Variants in ADAMTS19 observed in about 807,000 individuals in gnomAD.
ADAMTS19 encodes the protein A disintegrin and metalloproteinase with thrombospondin motifs 19.
Under a neutral mutation model 153.3 loss-of-function variants are expected in ADAMTS19, and 93 were observed. That is an observed-to-expected ratio of 0.61 (90% confidence interval 0.51 to 0.72). ADAMTS19 has a LOEUF of 0.72. Among genes scored for constraint, ADAMTS19 ranks in the 30% least tolerant of loss-of-function variants. ADAMTS19 has a pLI of 0.00. For synonymous variants in ADAMTS19, 600 were observed against 556.6 expected (o/e 1.08, Z -1.10); for missense variants, 1,482 against 1,552.1 (o/e 0.95, Z 0.76).
chr5:129,548,514 A>G (rs559903752), intron 6 of ADAMTS19, among the ~76,000 whole-genome samples: 1 of 152,032 alleles, frequency 6.6e-6, no homozygotes, highest in African/African-American at 2.4e-5. Flanking sequence ...ATCATTAAAA[A>G]GTCAGGAAAC....
At chr5:129,574,858 T>C (rs1754044914) in intron 7 of ADAMTS19, among the ~76,000 whole-genome samples, 2 of 103,508 alleles carry the variant, frequency 1.9e-5, no homozygotes, top group South Asian at 6.7e-4. Context: ...AAAGCATTCT[T>C]GAAAAAAAAA....
chr5:129,646,964 C>A (rs1753090120), intron 11 of ADAMTS19, among the ~76,000 whole-genome samples: 1 of 152,068 alleles, frequency 6.6e-6, no homozygotes, highest in South Asian at 2.1e-4. Context: ...TTCTAGCAAC[C>A]ATTCCTGGGT....
chr5:129,482,716 A>T (rs1176710471), intron 2 of ADAMTS19, among the ~76,000 whole-genome samples: 1 of 152,152 alleles, frequency 6.6e-6, no homozygotes, highest in Non-Finnish European at 1.5e-5. Flanking sequence ...TGCTATCAAT[A>T]ATGTCCCATG....
At chr5:129,628,639 G>A (rs750297048) in intron 10 of ADAMTS19, among the ~76,000 whole-genome samples, 34 of 152,016 alleles carry the variant, frequency 2.2e-4, no homozygotes, top group Non-Finnish European at 4.1e-4. Flanking sequence ...AGTTATAACT[G>A]TAGAAGACTG....
intron 6 of ADAMTS19, among the ~76,000 whole-genome samples, chr5:129,539,223 A>T (rs1256566659): frequency 6.6e-6 from 1 of 152,132 alleles, no homozygotes; most frequent in Non-Finnish European, 1.5e-5. Context: ...AGATGGGCAG[A>T]TTATCCTGGC....
chr5:129,547,791 A>T (rs745714216), intron 6 of ADAMTS19, among the ~76,000 whole-genome samples: 2 of 150,762 alleles, frequency 1.3e-5, no homozygotes, highest in South Asian at 2.1e-4. Context: ...AAGGCTACAG[A>T]AACCAAAACA....
intron 6 of ADAMTS19, among the ~76,000 whole-genome samples, chr5:129,550,433 T>G (rs1010134062): frequency 8.4e-6 from 1 of 119,140 alleles, no homozygotes; most frequent in Non-Finnish European, 1.8e-5. Context: ...CATGTATCTG[T>G]ATATGTATGT....
chr5:129,535,863 A>G lies in ADAMTS19; in HGVS notation c.1328+7186A>G, dbSNP rs535634250. 1.0e-3 allele frequency among the ~76,000 whole-genome samples: 156 copies of G among 152,338 alleles called. 1 individual carries two copies. The highest frequency in any genetic ancestry group is 1.9e-3 in the Non-Finnish European group (130 of 68,028). On this transcript the variant is annotated intron_variant, in intron 6 of 22. Coordinates refer to ENST00000274487, the MANE Select transcript of ADAMTS19 (RefSeq NM_133638.6). The stretch of plus-strand genomic sequence containing the variant: ...CTGGGAAAACTGGCTAGCCATATGT[A>G]GAAAGCTGAAACTGGATCCCTTCCT...
In ADAMTS19 at chr5:129,628,875, C is replaced by T. The variant is rs560769405; in HGVS notation, c.1770+6527C>T. 5.2e-4 allele frequency among the ~76,000 whole-genome samples: 79 copies of T among 152,116 alleles called. No homozygotes were observed. The South Asian group carries it at 6.0e-3, about 12-fold the overall frequency. ...CACCATATAGCCTAGGTGTGTAGTA[C>T]GCTATATCATTTAGGCTTGTGTAAG... is the stretch of plus-strand genomic sequence containing the variant. On this transcript the variant is annotated intron_variant, in intron 10 of 22. Coordinates refer to ENST00000274487, the MANE Select transcript of ADAMTS19 (RefSeq NM_133638.6).
At chr5:129,684,025 T>C in intron 17 of ADAMTS19, 95 bp from the exon 18 acceptor site, 1 of 1,333,790 alleles carries the variant, frequency 7.5e-7, no homozygotes, top group East Asian at 2.3e-5. Flanking sequence ...CACAACACAA[T>C]GAGCATTTTA....
Position 129,526,286 on chromosome 5 carries a change from A to G in ADAMTS19, c.916A>G (p.Lys306Glu), listed in dbSNP as rs758981800. 181 of 1,566,558 alleles carry G rather than the reference A, an allele frequency of 1.2e-4. No homozygotes were observed. Among genetic ancestry groups the G allele is most frequent in the Non-Finnish European group, 1.5e-4 (176 of 1,162,806 alleles). The stretch of plus-strand genomic sequence containing the variant: ...AAAAATTCAATTCTCTGTTGCAGAT[A>G]AAGGAAGACCTAGGTCTAGAAAAAT... ...HSHYCGIISD[K>E]GRPRSRKIAE... The change falls in exon 4 of 23, where the codon AAA (lysine) becomes GAA (glutamate). Residue 306 changes from lysine (K) to glutamate (E), a missense_variant and splice_region_variant. This residue lies in a region of ADAMTS19 where 866 missense variants were observed against 827.7 expected (regional missense o/e 1.05). Coordinates refer to ENST00000274487, the MANE Select transcript of ADAMTS19 (RefSeq NM_133638.6).
chr5:129,472,700 T>C (rs113342646), intron 2 of ADAMTS19, among the ~76,000 whole-genome samples: 1,571 of 152,002 alleles, frequency 0.01, 22 homozygotes, highest in African/African-American at 0.034. Flanking sequence ...TCATCAGCAA[T>C]TTTATCAGTA....
intron 8 of ADAMTS19, among the ~76,000 whole-genome samples, chr5:129,617,807 G>T (rs1225351238): frequency 6.6e-6 from 1 of 151,842 alleles, no homozygotes; most frequent in Admixed American, 6.6e-5. Flanking sequence ...TATTTTCTTG[G>T]TTTTTCTGAA....
At chr5:129,579,473 T>C (rs1749397180) in intron 7 of ADAMTS19, among the ~76,000 whole-genome samples, 1 of 152,224 alleles carries the variant, frequency 6.6e-6, no homozygotes, top group Non-Finnish European at 1.5e-5. Context: ...GTGCCTTTTG[T>C]TGCTATTGCT....
intron 11 of ADAMTS19, among the ~76,000 whole-genome samples, chr5:129,644,609 T>C (rs983907929): frequency 2.6e-5 from 4 of 152,156 alleles, no homozygotes; most frequent in African/African-American, 9.6e-5. Flanking sequence ...TTTTCTTCTC[T>C]TTTTATAATT....
At chr5:129,702,941 A>AAAAAAAAAATATAT in intron 20 of ADAMTS19, among the ~76,000 whole-genome samples, 2 of 29,306 alleles carry the variant, frequency 6.8e-5, no homozygotes, top group African/African-American at 1.7e-4. Flanking sequence ...AAAAAAAAAA[A>AAAAAAAAAATATAT]ATATATATAT....
At chr5:129,672,471 G>C (rs1754344929) in intron 16 of ADAMTS19, among the ~76,000 whole-genome samples, 1 of 152,138 alleles carries the variant, frequency 6.6e-6, no homozygotes, top group East Asian at 1.9e-4. Context: ...TGTAGACTTT[G>C]AGAGCCACAG....
chr5:129,527,176 T>C (rs954669283), intron 4 of ADAMTS19, among the ~76,000 whole-genome samples: 12 of 151,888 alleles, frequency 7.9e-5, no homozygotes, highest in African/African-American at 2.9e-4. Context: ...GTGTACTCTG[T>C]TGGGCAAACC....
intron 6 of ADAMTS19, among the ~76,000 whole-genome samples, chr5:129,535,897 A>G (rs374941455): frequency 6.6e-6 from 1 of 152,146 alleles, no homozygotes; most frequent in Admixed American, 6.5e-5. Context: ...CTTACACCTT[A>G]TACAAAAATT....
Sources: allele counts gnomAD v4.1 joint callset (sites outside exome capture counted in the v4.1 genomes callset), GRCh38; gene constraint gnomAD v4.1.1; regional missense constraint gnomAD v4.1.1; transcripts MANE v1.5; gene names NCBI Gene and HGNC (gene_info 2026-07-23, HGNC 2026-07-21).